NRXN1: variants seen among roughly 807,000 people sequenced by gnomAD.
NRXN1 encodes the protein neurexin 1.
Under a neutral mutation model 150.9 loss-of-function variants are expected in NRXN1, and 39 were observed. That is an observed-to-expected ratio of 0.26 (90% CI 0.20 to 0.34). The LOEUF (loss-of-function observed/expected upper bound fraction) is 0.34. NRXN1 is among the 10% of genes least tolerant of loss of function. The pLI is 1.00. For synonymous variants in NRXN1, 924 were observed against 757.0 expected, an observed-to-expected ratio of 1.22 and a Z score of -3.62; for missense variants, 1,815 against 1,949.9, an observed-to-expected ratio of 0.93 and a Z score of 1.30.
chr2:50,561,114 T>G (rs1669009381), intron 8 of NRXN1, among the ~76,000 whole-genome samples: 1 of 152,226 alleles, frequency 6.6e-6, no homozygotes, highest in Non-Finnish European at 1.5e-5. Flanking sequence ...AAACCCCTCC[T>G]GCTTTGTCCT....
intron 17 of NRXN1, among the ~76,000 whole-genome samples, chr2:50,386,254 T>C (rs1272847088): frequency 6.6e-6 from 1 of 152,154 alleles, no homozygotes; most frequent in Admixed American, 6.5e-5. Context: ...AGAGATAAAG[T>C]TAAAAATTTC....
In NRXN1 at chr2:50,248,933, G is replaced by A. The variant is rs539768660; in HGVS notation, c.3365-11963C>T. Reference sequence around the variant, plus strand: ...AGGCCAAGGCAGAAGGATTCCTTGAGGCCAGGAGTTTGAGACTAGCCTGGG... The same window carrying A: ...AGGCCAAGGCAGAAGGATTCCTTGAAGCCAGGAGTTTGAGACTAGCCTGGG... On this transcript the variant is annotated intron_variant, in intron 17 of 22. Coordinates refer to ENST00000401669, the MANE Select transcript of NRXN1 (RefSeq NM_001330078.2). Among the ~76,000 whole-genome samples the A allele has an allele frequency of 2.6e-5, 4 of 152,066 alleles. No individual in the cohort carries two copies. In the South Asian group the frequency reaches 6.2e-4, roughly 24 times the overall value.
At chr2:50,170,713 T>TC (rs60978003) in intron 18 of NRXN1, among the ~76,000 whole-genome samples, 11,326 of 151,854 alleles carry the variant, frequency 0.075, 1,466 homozygotes, top group African/African-American at 0.26. Context: ...CACTTCCGGT[T>TC]CAAGCATTTT....
Position 50,175,647 on chromosome 2 carries a change from A to T in NRXN1, c.3546+61142T>A, listed in dbSNP as rs575792940. 7.3e-4 allele frequency among the ~76,000 whole-genome samples: 111 copies of T among 152,204 alleles called. 1 individual carries two copies. Among genetic ancestry groups the T allele is most frequent in the South Asian group, 5.6e-3 (27 of 4,824 alleles). On this transcript the variant is annotated intron_variant, in intron 18 of 22. Transcript: ENST00000401669. Reference sequence around the variant, plus strand: ...ATAGCATGCATATATATGCACATGCATGTCTATCTATACATATACATTTAC... The same window carrying T: ...ATAGCATGCATATATATGCACATGCTTGTCTATCTATACATATACATTTAC...
At chr2:50,967,486 G>C (rs1694289742) in intron 2 of NRXN1, among the ~76,000 whole-genome samples, 1 of 151,968 alleles carries the variant, frequency 6.6e-6, no homozygotes, top group South Asian at 2.1e-4. Context: ...TAAAACTTTA[G>C]TATTAACTAA....
chr2:50,717,202 T>C (rs939785452), intron 5 of NRXN1, among the ~76,000 whole-genome samples: 7 of 152,216 alleles, frequency 4.6e-5, no homozygotes, highest in African/African-American at 1.7e-4. Flanking sequence ...TTTTAACATG[T>C]TTTAAATATT....
intron 5 of NRXN1, among the ~76,000 whole-genome samples, chr2:50,804,042 T>C (rs1667191807): frequency 1.3e-5 from 2 of 152,184 alleles, no homozygotes; most frequent in Non-Finnish European, 2.9e-5. Context: ...ATATCCACAG[T>C]AGAAAATGAA....
At chr2:50,573,101 G>A (rs1359712132) in intron 8 of NRXN1, among the ~76,000 whole-genome samples, 1 of 152,068 alleles carries the variant, frequency 6.6e-6, no homozygotes, top group Non-Finnish European at 1.5e-5. Context: ...CAGGCATGGT[G>A]GCTCATACCT....
chr2:50,566,657 C>T (rs1348651133), intron 8 of NRXN1, among the ~76,000 whole-genome samples: 1 of 152,118 alleles, frequency 6.6e-6, no homozygotes. Flanking sequence ...TCATGACAGT[C>T]TTATGAAGTA....
At chr2:50,684,344 A>G (rs1172186674) in intron 5 of NRXN1, among the ~76,000 whole-genome samples, 1 of 152,046 alleles carries the variant, frequency 6.6e-6, no homozygotes, top group Non-Finnish European at 1.5e-5. Flanking sequence ...CACTACAAAA[A>G]AATACAAAAA....
At chr2:49,947,964 AATAAT>A (rs1418988276) in intron 21 of NRXN1, among the ~76,000 whole-genome samples, 11 of 152,060 alleles carry the variant, frequency 7.2e-5, no homozygotes, top group African/African-American at 2.4e-4. Flanking sequence ...TATAATTACA[AATAAT>A]ATAATTATAG....
chr2:50,782,909 A>T (rs1704549722), intron 5 of NRXN1, among the ~76,000 whole-genome samples: 1 of 152,188 alleles, frequency 6.6e-6, no homozygotes, highest in South Asian at 2.1e-4. Flanking sequence ...CTGTTGAACA[A>T]AGTGGGGGAA....
At chr2:50,942,041 C>G (rs1028461715) in intron 2 of NRXN1, among the ~76,000 whole-genome samples, 38 of 152,166 alleles carry the variant, frequency 2.5e-4, no homozygotes, top group African/African-American at 8.9e-4. Context: ...GATATGGCAC[C>G]CTGCATCCCA....
At chr2:50,497,859 G>T in intron 13 of NRXN1, 145 bp from the exon 14 acceptor site, 2 of 663,890 alleles carry the variant, frequency 3.0e-6, no homozygotes, top group Non-Finnish European at 5.0e-6. Context: ...ACACTTAAAT[G>T]ATGCCAAAAG....
chr2:50,263,589 C>T (rs1399470442), intron 17 of NRXN1, among the ~76,000 whole-genome samples: 1 of 151,808 alleles, frequency 6.6e-6, no homozygotes, highest in Non-Finnish European at 1.5e-5. Flanking sequence ...GTGGAAAGTA[C>T]AAAATTAAAA....
chr2:50,151,228 T>C (rs1250796758), intron 18 of NRXN1, among the ~76,000 whole-genome samples: 3 of 151,744 alleles, frequency 2.0e-5, no homozygotes, highest in Non-Finnish European at 4.4e-5. Flanking sequence ...TTTCTTTCCA[T>C]TCTGGGAGCC....
chr2:50,378,467 G>C (rs1397284552), intron 17 of NRXN1, among the ~76,000 whole-genome samples: 1 of 152,116 alleles, frequency 6.6e-6, no homozygotes, highest in Non-Finnish European at 1.5e-5. Flanking sequence ...TAGCAGCACA[G>C]TACTCTGTAG....
chr2:50,584,489 T>C lies in NRXN1; in HGVS notation c.1321-31464A>G, dbSNP rs1573649990. Among the ~76,000 whole-genome samples the C allele has an allele frequency of 4.6e-5, 7 of 152,316 alleles. 1 individual carries two copies. The highest frequency in any genetic ancestry group is 4.6e-4 in the Admixed American group (7 of 15,300). On this transcript the variant is annotated intron_variant, in intron 8 of 22. Coordinates refer to ENST00000401669, the MANE Select transcript of NRXN1 (RefSeq NM_001330078.2). ...TATTCCCTACCAACCATCTATCTTT[T>C]TTTATGTTTAACAATTTTAAAATTA...
At chr2:50,357,623 T>C (rs771691475) in intron 17 of NRXN1, among the ~76,000 whole-genome samples, 1 of 152,190 alleles carries the variant, frequency 6.6e-6, no homozygotes, top group Non-Finnish European at 1.5e-5. Context: ...TTTATTTATT[T>C]ATGTGCTATT....
Sources: allele counts gnomAD v4.1 joint callset (sites outside exome capture counted in the v4.1 genomes callset), GRCh38; gene constraint gnomAD v4.1.1; transcripts MANE v1.5; gene names NCBI Gene and HGNC (gene_info 2026-07-23, HGNC 2026-07-21).